The following NHLRC2 variants were observed in gnomAD, a reference collection of about 807,000 sequenced individuals.
The protein encoded by NHLRC2 is NHL repeat containing 2.
In NHLRC2, 33 loss-of-function variants were observed where a neutral mutation model predicts 68.1. That is an observed-to-expected ratio of 0.48 (90% CI 0.37 to 0.65). NHLRC2 has a LOEUF of 0.65. Among genes scored for constraint, NHLRC2 ranks in the 30% least tolerant of loss-of-function variants. The pLI, the probability that NHLRC2 is intolerant of heterozygous loss-of-function variation, is 0.00. For missense variants in NHLRC2, 761 were observed against 853.8 expected (o/e 0.89, Z 1.35); for synonymous variants, 311 against 309.6 (o/e 1.00, Z -0.05).
chr10:113,883,583 G>T (rs1422949025), intron 4 of NHLRC2, among the ~76,000 whole-genome samples: 1 of 151,870 alleles, frequency 6.6e-6, no homozygotes, highest in Non-Finnish European at 1.5e-5. Context: ...CCAATACATT[G>T]TTGGGGAGAG....
intron 10 of NHLRC2, 37 bp from the exon 11 acceptor site, chr10:113,908,243 C>G: frequency 6.5e-7 from 1 of 1,535,110 alleles, no homozygotes; most frequent in South Asian, 1.1e-5. Flanking sequence ...TTCTACTTAT[C>G]TTATACAGTC....
intron 5 of NHLRC2, among the ~76,000 whole-genome samples, chr10:113,890,498 TG>T (rs1333347062): frequency 1.3e-4 from 20 of 152,290 alleles, no homozygotes; most frequent in African/African-American, 4.6e-4. Context: ...TTCTTGAATC[TG>T]TGGTTTGATG....
At chr10:113,899,297 C>T (rs1211781514) in intron 6 of NHLRC2, among the ~76,000 whole-genome samples, 2 of 152,066 alleles carry the variant, frequency 1.3e-5, no homozygotes, top group Admixed American at 6.6e-5. Flanking sequence ...GAATAAAAGC[C>T]GTTAACCGGA....
At chr10:113,904,300 A>C (rs746880717) in intron 9 of NHLRC2, among the ~76,000 whole-genome samples, 1 of 152,068 alleles carries the variant, frequency 6.6e-6, no homozygotes, top group Non-Finnish European at 1.5e-5. Context: ...TTCAAGGGGA[A>C]ATGTCTATTA....
Position 113,868,069 on chromosome 10 carries a change from G to T in NHLRC2, c.332-8452G>T, listed in dbSNP as rs190711710. Among the ~76,000 whole-genome samples the T allele has an allele frequency of 3.3e-5, 5 of 152,246 alleles. No homozygotes were observed. In the East Asian group the frequency reaches 9.7e-4, roughly 29 times the overall value. On this transcript the variant is annotated intron_variant, in intron 2 of 10. Transcript: ENST00000369301. Reference sequence around the variant, plus strand: ...ACTGGTGCGATCACAGCTCACGGCAGCCACGACCTCCTGGGCTCAAGTGAT... The same window carrying T: ...ACTGGTGCGATCACAGCTCACGGCATCCACGACCTCCTGGGCTCAAGTGAT...
intron 3 of NHLRC2, among the ~76,000 whole-genome samples, chr10:113,877,206 G>A (rs1298625454): frequency 6.7e-6 from 1 of 150,160 alleles, no homozygotes; most frequent in Non-Finnish European, 1.5e-5. Flanking sequence ...AGGTCAAAAA[G>A]AGGAAATAGT....
Position 113,916,031 on chromosome 10 carries a change from A to G in NHLRC2, c.*7495A>G, listed in dbSNP as rs976079854. The stretch of plus-strand genomic sequence containing the variant: ...TGATAAATTATGCTAATTAATGGGA[A>G]AAATAGACATGTTCCTCTCTGAACA... On this transcript the variant is annotated 3_prime_UTR_variant, in exon 11 of 11. Coordinates refer to ENST00000369301, the MANE Select transcript of NHLRC2 (RefSeq NM_198514.4). The G allele has an allele frequency of 6.6e-6, 1 of 152,234 alleles. No individual in the cohort carries two copies. Among genetic ancestry groups the G allele is most frequent in the Non-Finnish European group, 1.5e-5 (1 of 68,052 alleles). 9.4% of individuals were successfully genotyped at this position (152,234 alleles called of 1,614,324 possible).
chr10:113,860,822 A>T (rs1483946005), intron 2 of NHLRC2, among the ~76,000 whole-genome samples: 1 of 152,232 alleles, frequency 6.6e-6, no homozygotes, highest in Non-Finnish European at 1.5e-5. Context: ...AGTGCAGCTG[A>T]TAAACCCATG....
intron 2 of NHLRC2, among the ~76,000 whole-genome samples, chr10:113,875,449 G>A (rs1845969932): frequency 6.6e-6 from 1 of 152,152 alleles, no homozygotes; most frequent in Non-Finnish European, 1.5e-5. Context: ...TCCAGGTTAT[G>A]TGGTTTCTTG....
chr10:113,879,190 T>C (rs1231243099), intron 3 of NHLRC2, among the ~76,000 whole-genome samples: 2 of 152,152 alleles, frequency 1.3e-5, no homozygotes, highest in Non-Finnish European at 2.9e-5. Context: ...TGGCCATGTG[T>C]ATTTTTCTAG....
rs1341682414 is a variant in NHLRC2, at chr10:113,855,036, C to A, written c.164C>A (p.Pro55His). Residue 55 changes from proline to histidine, a missense_variant, in exon 1 of 11, where the codon CCC (proline) becomes CAC (histidine). By Grantham distance (77) the Pro-to-His change is moderately conservative. Coordinates refer to ENST00000369301, the MANE Select transcript of NHLRC2 (RefSeq NM_198514.4). ...GGCTGGGAGCAGGACTTGTCAGTAC[C>A]CGAGTTTCCGGAAGGTGAGGGGCTG... ...VDGWEQDLSV[P>H]EFPEGLEWLN... 1 of 1,552,376 alleles carries A rather than the reference C, an allele frequency of 6.4e-7. No homozygotes were observed. Among genetic ancestry groups the A allele is most frequent in the Non-Finnish European group, 8.7e-7 (1 of 1,147,320 alleles).
intron 6 of NHLRC2, among the ~76,000 whole-genome samples, chr10:113,898,523 GA>G (rs1846200089): frequency 6.6e-6 from 1 of 152,184 alleles, no homozygotes; most frequent in Non-Finnish European, 1.5e-5. Context: ...TTTCTACTCA[GA>G]AGTGACACAC....
At chr10:113,890,227 C>T (rs951045276) in intron 5 of NHLRC2, among the ~76,000 whole-genome samples, 1 of 152,110 alleles carries the variant, frequency 6.6e-6, no homozygotes, top group African/African-American at 2.4e-5. Context: ...TGCCTTTATT[C>T]TGGTCTGAAA....
rs142529506 is a variant in NHLRC2 at position 113,871,251 on chromosome 10, C to T, written c.332-5270C>T. On this transcript the variant is annotated intron_variant, in intron 2 of 10. Coordinates refer to ENST00000369301, the MANE Select transcript of NHLRC2 (RefSeq NM_198514.4). ...GTTGGTCAGGCTGGTCTTGGCCTCC[C>T]GACCTCAGGTGATCAGCCAGCCTCG... Among the ~76,000 whole-genome samples the T allele has an allele frequency of 7.2e-3, 1,088 of 152,014 alleles. 7 individuals carry two copies. The highest frequency in any genetic ancestry group is 0.012 in the Non-Finnish European group (787 of 67,926).
intron 5 of NHLRC2, 32 bp from the exon 6 acceptor site, chr10:113,898,078 G>A: frequency 7.8e-7 from 1 of 1,285,370 alleles, no homozygotes; most frequent in Admixed American, 1.8e-5. Context: ...AACCAGATAT[G>A]TATATAATAA....
At chr10:113,893,590 G>A (rs1846151658) in intron 5 of NHLRC2, among the ~76,000 whole-genome samples, 1 of 152,108 alleles carries the variant, frequency 6.6e-6, no homozygotes, top group African/African-American at 2.4e-5. Context: ...CCAAACACCT[G>A]AACCCTGACC....
At position 113,857,718 on chromosome 10, in the gene NHLRC2, CT is replaced by C. The variant is rs34643185; in HGVS notation, c.179-803del. ...ATCTTTCTTCATAGTACAGAGCTTTCTTTTTTTGGAGGAAAGGGAACACGTT... is the reference window on the plus strand; with the variant it reads ...ATCTTTCTTCATAGTACAGAGCTTTCTTTTTTGGAGGAAAGGGAACACGTT... On this transcript the variant is annotated intron_variant, in intron 1 of 10. Coordinates refer to ENST00000369301, the MANE Select transcript of NHLRC2 (RefSeq NM_198514.4). 2.8e-4 allele frequency among the ~76,000 whole-genome samples: 43 copies of C among 152,108 alleles called. No homozygotes were observed. The South Asian group carries it at 8.1e-3, about 29-fold the overall frequency.
In NHLRC2 at chr10:113,902,879, A is replaced by G. The variant is rs531492275; in HGVS notation, c.1494+286A>G. Among the ~76,000 whole-genome samples, 102 of 152,348 alleles carry G rather than the reference A, an allele frequency of 6.7e-4. 1 individual carries two copies. The highest frequency in any genetic ancestry group is 2.7e-3 in the Admixed American group (41 of 15,308). On this transcript the variant is annotated intron_variant, in intron 8 of 10. Transcript: ENST00000369301. The stretch of plus-strand genomic sequence containing the variant: ...TGCTTAGTAACATATTCAGTATATC[A>G]AGAGAAGGCAAGTAGCAGGGAAATT...
At chr10:113,888,825 CTTT>C (rs553815478) in intron 5 of NHLRC2, among the ~76,000 whole-genome samples, 3 of 132,942 alleles carry the variant, frequency 2.3e-5, no homozygotes, top group Admixed American at 7.6e-5. Context: ...CTATCAGTAT[CTTT>C]TTTTTTTTTT....
Sources: allele counts gnomAD v4.1 joint callset (sites outside exome capture counted in the v4.1 genomes callset), GRCh38; gene constraint gnomAD v4.1.1; transcripts MANE v1.5; gene names NCBI Gene and HGNC (gene_info 2026-07-23, HGNC 2026-07-21).